The following PTPRF variants were observed in gnomAD, a reference collection of about 807,000 sequenced individuals.
PTPRF encodes receptor-type tyrosine-protein phosphatase F.
Under a neutral mutation model 201.8 loss-of-function variants are expected in PTPRF, and 59 were observed. The observed-to-expected ratio is 0.29, with a 90% CI of 0.24 to 0.36. The LOEUF is 0.36. Among genes scored for constraint, PTPRF ranks in the 10% least tolerant of loss-of-function variants. PTPRF has a pLI of 1.00. For missense variants in PTPRF, 2,132 were observed against 2,690.5 expected (o/e 0.79, Z 4.59); for synonymous variants, 1,088 against 1,089.7 (o/e 1.00, Z 0.03).
In PTPRF at chr1:43,590,953, C is replaced by T. The variant is rs1393378526; in HGVS notation, c.950-19C>T. ...GATCTTGACCTCGGGCAGCTTTGAGCCTTCCACTTTGTCTCCAGCTCTTCC... is the reference window on the plus strand; with the variant it reads ...GATCTTGACCTCGGGCAGCTTTGAGTCTTCCACTTTGTCTCCAGCTCTTCC... On this transcript the variant is annotated intron_variant, in intron 8 of 33. Coordinates refer to ENST00000359947, the MANE Select transcript of PTPRF (RefSeq NM_002840.5). 6.3e-7 allele frequency: 1 copy of T among 1,592,146 alleles called. No homozygotes were observed. Among genetic ancestry groups the T allele is most frequent in the East Asian group, 2.3e-5 (1 of 44,432 alleles).
chr1:43,555,846 C>T (rs777657935), intron 5 of PTPRF, among the ~76,000 whole-genome samples: 7 of 152,108 alleles, frequency 4.6e-5, no homozygotes, highest in Middle Eastern at 3.4e-3. Context: ...TCAGTTTTTT[C>T]GTTTCTATAA....
rs748431718 is a variant in PTPRF at position 43,621,126 on chromosome 1, T to C, written c.5549T>C (p.Ile1850Thr). ...SAGVGRTGVF[I>T]TLSIVLERMR... ...GGCGTGGGCCGCACCGGGGTGTTCA[T>C]CACTCTGAGCATCGTCCTGGAGCGC... Residue 1850 changes from isoleucine (I) to threonine (T), a missense_variant, in exon 33 of 34, where the codon ATC (isoleucine) becomes ACC (threonine). Ile to Thr is a moderately conservative substitution (Grantham distance 89). This residue lies in a region of PTPRF where 519 missense variants were observed against 659.5 expected (regional missense o/e 0.79). Coordinates refer to ENST00000359947, the MANE Select transcript of PTPRF (RefSeq NM_002840.5). 6.2e-7 allele frequency: 1 copy of C among 1,614,168 alleles called. No individual in the cohort carries two copies. The highest frequency in any genetic ancestry group is 2.2e-5 in the East Asian group (1 of 44,880).
intron 19 of PTPRF, 91 bp from the exon 20 acceptor site, chr1:43,606,149 C>A (rs954950604): frequency 7.2e-6 from 10 of 1,397,256 alleles, no homozygotes; most frequent in African/African-American, 7.1e-5. Context: ...GCCTTGATCT[C>A]GGCCCAGGGA....
At chr1:43,564,176 G>A (rs1461486961) in intron 5 of PTPRF, among the ~76,000 whole-genome samples, 2 of 152,204 alleles carry the variant, frequency 1.3e-5, no homozygotes, top group Non-Finnish European at 2.9e-5. Context: ...AGGCTCCCCA[G>A]GCCCCCCTTA....
intron 3 of PTPRF, among the ~76,000 whole-genome samples, chr1:43,549,131 C>T (rs534917382): frequency 2.6e-5 from 4 of 152,310 alleles, no homozygotes; most frequent in Admixed American, 2.0e-4. Context: ...GGCACGCTCT[C>T]GTGGGGTGTC....
At chr1:43,572,899 A>G (rs1407632105) in intron 6 of PTPRF, among the ~76,000 whole-genome samples, 1 of 152,062 alleles carries the variant, frequency 6.6e-6, no homozygotes, top group African/African-American at 2.4e-5. Flanking sequence ...TGGGGACCTG[A>G]GGAGCAGCTG....
intron 11 of PTPRF, 24 bp downstream of exon 11, chr1:43,592,625 C>T: frequency 1.3e-6 from 2 of 1,555,710 alleles, no homozygotes; most frequent in Non-Finnish European, 1.7e-6. Flanking sequence ...AAGTCCGCTG[C>T]CTGTTACACC....
Position 43,620,170 on chromosome 1 carries a change from G to T in PTPRF, c.5187G>T (p.Glu1729Asp). 6.2e-7 allele frequency: 1 copy of T among 1,614,130 alleles called. No individual in the cohort carries two copies. The highest frequency in any genetic ancestry group is 8.5e-7 in the Non-Finnish European group (1 of 1,179,982). Residue 1729 changes from glutamate (E) to aspartate (D), a missense_variant, in exon 30 of 34, where the codon GAG becomes GAT. By Grantham distance (45) the Glu-to-Asp change is conservative. This residue lies in a region of PTPRF where 519 missense variants were observed against 659.5 expected (regional missense o/e 0.79). Transcript: ENST00000359947. ...AGGACTTCTGGCGCATGCTATGGGA[G>T]CACAATTCCACCATCATCGTCATGC... ...STEDFWRMLW[E>D]HNSTIIVMLT...
intron 6 of PTPRF, among the ~76,000 whole-genome samples, chr1:43,576,651 A>G (rs1289072710): frequency 1.3e-5 from 2 of 152,262 alleles, no homozygotes; most frequent in Non-Finnish European, 2.9e-5. Context: ...TCAGAAACTC[A>G]GTTCATCTCT....
At chr1:43,612,045 G>A (rs553183036) in intron 22 of PTPRF, among the ~76,000 whole-genome samples, 1 of 152,320 alleles carries the variant, frequency 6.6e-6, no homozygotes, top group South Asian at 2.1e-4. Context: ...AAGGAAAGAT[G>A]GATGGAGAGC....
rs777135309 is a variant in PTPRF at position 43,620,200 on chromosome 1, C to T, written c.5217C>T (p.Thr1739=). The change falls in exon 30 of 34, where the codon ACC becomes ACT. Residue 1739 remains threonine, a synonymous_variant. Transcript: ENST00000359947. ...EHNSTIIVML[T]KLREMGREKC... ...ATTCCACCATCATCGTCATGCTGACCAAGCTTCGGGAGATGGGCAGGGTGA... is the reference window on the plus strand; with the variant it reads ...ATTCCACCATCATCGTCATGCTGACTAAGCTTCGGGAGATGGGCAGGGTGA... The T allele has an allele frequency of 1.2e-6, 2 of 1,614,082 alleles. No homozygotes were observed. The highest frequency in any genetic ancestry group is 3.3e-5 in the Admixed American group (2 of 60,014).
chr1:43,559,802 AGT>A (rs1238210702), intron 5 of PTPRF, among the ~76,000 whole-genome samples: 34 of 140,288 alleles, frequency 2.4e-4, no homozygotes, highest in African/African-American at 2.7e-4. Flanking sequence ...TTTATCAGGC[AGT>A]GTGTGGTGTG....
At chr1:43,526,051 T>C (rs954830021), upstream of PTPRF, among the ~76,000 whole-genome samples, 2 of 151,738 alleles carry the variant, frequency 1.3e-5, no homozygotes, top group East Asian at 3.9e-4. Context: ...GGGAATGCTA[T>C]AGTGAAGAGG....
chr1:43,559,183 T>C (rs1645611624), intron 5 of PTPRF, among the ~76,000 whole-genome samples: 1 of 152,190 alleles, frequency 6.6e-6, no homozygotes, highest in Admixed American at 6.5e-5. Flanking sequence ...TGGTGCAGTG[T>C]GTGCAGCAGG....
chr1:43,562,580 G>A (rs961520558), intron 5 of PTPRF, among the ~76,000 whole-genome samples: 1 of 151,640 alleles, frequency 6.6e-6, no homozygotes, highest in Non-Finnish European at 1.5e-5. Flanking sequence ...CTAATTTTTT[G>A]TATTTTTAGT....
upstream of PTPRF, chr1:43,528,507 AG>A (rs1643214411): frequency 6.6e-6 from 1 of 152,236 alleles, no homozygotes; most frequent in South Asian, 2.1e-4. Context: ...GCAAGTCTTA[AG>A]GGGCATTATA....
Position 43,619,801 on chromosome 1 carries a change from C to A in PTPRF, c.5054C>A (p.Pro1685His), listed in dbSNP as rs1658753950. 1 of 1,614,134 alleles carries A rather than the reference C, an allele frequency of 6.2e-7. No homozygotes were observed. The highest frequency in any genetic ancestry group is 1.1e-5 in the South Asian group (1 of 91,094). ...PYELTRVCLQ[P>H]IRGVEGSDYI... ...GAATTGACCCGTGTGTGTCTGCAGCCCATCCGTGGTGTGGAGGGCTCTGAC... is the reference window on the plus strand; with the variant it reads ...GAATTGACCCGTGTGTGTCTGCAGCACATCCGTGGTGTGGAGGGCTCTGAC... The change falls in exon 29 of 34, where the codon CCC (proline) becomes CAC (histidine). Residue 1685 changes from proline (P) to histidine (H), a missense_variant. By Grantham distance (77) the Pro-to-His change is moderately conservative. Coordinates refer to ENST00000359947, the MANE Select transcript of PTPRF (RefSeq NM_002840.5).
upstream of PTPRF, among the ~76,000 whole-genome samples, chr1:43,526,550 T>C (rs1462560513): frequency 6.6e-6 from 1 of 152,150 alleles, no homozygotes; most frequent in African/African-American, 2.4e-5. Flanking sequence ...TTGTAGTTCT[T>C]GTGTCTGAGC....
At chr1:43,606,214 A>G in intron 19 of PTPRF, 26 bp from the exon 20 acceptor site, 1 of 1,599,714 alleles carries the variant, frequency 6.3e-7, no homozygotes, top group Middle Eastern at 1.8e-4. Flanking sequence ...AAGGCCCCTC[A>G]TGACCCCCAT....
Sources: gnomAD v4.1 joint callset for allele counts (sites outside exome capture counted in the v4.1 genomes callset) on GRCh38, gnomAD v4.1.1 for gene constraint, gnomAD v4.1.1 regional missense constraint, MANE v1.5 for transcripts, NCBI Gene and HGNC (gene_info 2026-07-23, HGNC 2026-07-21) for gene names.